Variants in ATP9A observed in about 807,000 individuals in gnomAD.
ATP9A encodes probable phospholipid-transporting ATPase IIA.
In ATP9A, 52 loss-of-function variants were observed where a neutral mutation model predicts 144.1. The ratio of observed to expected loss-of-function variants is 0.36; its 90% CI spans 0.29 to 0.45. ATP9A has a LOEUF of 0.45. ATP9A is among the 20% of genes least tolerant of loss of function. The probability of loss-of-function intolerance (pLI) is 1.00; values close to 1 mark genes in which losing one functional copy is unlikely to be tolerated. For missense variants in ATP9A, 947 were observed against 1,392.7 expected (o/e 0.68, Z 5.09); for synonymous variants, 582 against 557.4 (o/e 1.04, Z -0.62).
At chr20:51,606,188 C>T (rs952603729) in intron 26 of ATP9A, among the ~76,000 whole-genome samples, 3 of 149,178 alleles carry the variant, frequency 2.0e-5, no homozygotes, top group Non-Finnish European at 3.0e-5. Context: ...AACCATAAGG[C>T]GGAGGTTGCA....
Position 51,667,572 on chromosome 20 carries a change from G to C in ATP9A, c.1293+2425C>G, listed in dbSNP as rs141791336. 4.3e-3 allele frequency among the ~76,000 whole-genome samples: 660 copies of C among 152,278 alleles called. 8 individuals are homozygous for C. The highest frequency in any genetic ancestry group is 0.015 in the African/African-American group (620 of 41,564). The stretch of plus-strand genomic sequence containing the variant: ...CTGGAAGGCTGAAACATGGGAAAGG[G>C]GAGGGGATGAAGACCAAGGCTAGAT... On this transcript the variant is annotated intron_variant, in intron 13 of 27. Coordinates refer to ENST00000338821, the MANE Select transcript of ATP9A (RefSeq NM_006045.3).
At chr20:51,601,924 A>G (rs1026355656) in intron 27 of ATP9A, among the ~76,000 whole-genome samples, 5 of 151,360 alleles carry the variant, frequency 3.3e-5, no homozygotes, top group Admixed American at 3.3e-4. Context: ...AGAGAAAAAA[A>G]GAAGGAAAGA....
intron 3 of ATP9A, among the ~76,000 whole-genome samples, chr20:51,724,587 A>G (rs1331609670): frequency 6.6e-6 from 1 of 152,182 alleles, no homozygotes; most frequent in African/African-American, 2.4e-5. Context: ...ACTTTTCACA[A>G]TTTGTAACAA....
intron 2 of ATP9A, among the ~76,000 whole-genome samples, chr20:51,728,311 G>A (rs141322568): frequency 2.1e-4 from 32 of 152,084 alleles, no homozygotes; most frequent in Non-Finnish European, 3.5e-4. Context: ...AACCAGCAAT[G>A]AATATAGTCA....
intron 4 of ATP9A, among the ~76,000 whole-genome samples, chr20:51,707,880 T>C (rs1028645602): frequency 6.6e-6 from 1 of 151,616 alleles, no homozygotes; most frequent in African/African-American, 2.4e-5. Context: ...TAGCGTGTAT[T>C]TTAGAGATGG....
intron 1 of ATP9A, among the ~76,000 whole-genome samples, chr20:51,741,296 A>ACAGGCCGT (rs2077784301): frequency 6.6e-6 from 1 of 152,162 alleles, no homozygotes; most frequent in South Asian, 2.1e-4. Context: ...AGTGGAGCTC[A>ACAGGCCGT]CAGGCCAGGC....
chr20:51,713,095 G>A (rs759565401), intron 3 of ATP9A, 21 bp from the exon 4 acceptor site: 7 of 1,591,464 alleles, frequency 4.4e-6, no homozygotes, highest in South Asian at 1.1e-5. Flanking sequence ...AGACGACAGT[G>A]AGTCTTGCTA....
intron 9 of ATP9A, among the ~76,000 whole-genome samples, chr20:51,681,194 C>G (rs2077498270): frequency 6.6e-6 from 1 of 152,060 alleles, no homozygotes; most frequent in East Asian, 1.9e-4. Context: ...GTTATGAGAC[C>G]AAGTTAAGAG....
At chr20:51,631,974 A>G (rs999692449) in intron 15 of ATP9A, among the ~76,000 whole-genome samples, 1 of 152,218 alleles carries the variant, frequency 6.6e-6, no homozygotes, top group Admixed American at 6.5e-5. Flanking sequence ...GCACTCACAC[A>G]TGTTTAAAAA....
chr20:51,608,554 G>A lies in ATP9A; in HGVS notation c.2709C>T (p.Ala903=), dbSNP rs762412277. 5.0e-6 allele frequency: 8 copies of A among 1,612,626 alleles called. No individual in the cohort carries two copies. The South Asian group carries it at 6.6e-5, about 13-fold the overall frequency. The change falls in exon 25 of 28, where the codon GCC becomes GCT. Residue 903 remains alanine (A), a synonymous_variant. Coordinates refer to ENST00000338821, the MANE Select transcript of ATP9A (RefSeq NM_006045.3). ...VLDKDVKSEV[A]MLYPELYKDL... ...CCTTGTAGAGCTCAGGATACAGCATGGCAACTTCCGATTTGACATCTTTGT... is the reference window on the plus strand; with the variant it reads ...CCTTGTAGAGCTCAGGATACAGCATAGCAACTTCCGATTTGACATCTTTGT...
At chr20:51,766,557 G>A (rs922484336) in intron 1 of ATP9A, among the ~76,000 whole-genome samples, 3 of 152,124 alleles carry the variant, frequency 2.0e-5, no homozygotes, top group African/African-American at 7.2e-5. Context: ...TTAAAACGAA[G>A]GAGGCCGGGC....
intron 15 of ATP9A, among the ~76,000 whole-genome samples, chr20:51,637,956 A>C (rs2077299933): frequency 6.7e-6 from 1 of 149,912 alleles, no homozygotes; most frequent in Admixed American, 6.7e-5. Context: ...AACATACGAC[A>C]TTTGGCTTTC....
At chr20:51,618,425 C>T (rs909991432) in intron 21 of ATP9A, among the ~76,000 whole-genome samples, 19 of 152,146 alleles carry the variant, frequency 1.2e-4, no homozygotes, top group Non-Finnish European at 2.6e-4. Flanking sequence ...GAAGGCTGCA[C>T]TCTTGAGCCA....
At chr20:51,661,432 C>A (rs1010095517) in intron 13 of ATP9A, among the ~76,000 whole-genome samples, 69 of 151,024 alleles carry the variant, frequency 4.6e-4, no homozygotes, top group African/African-American at 1.7e-3. Context: ...GGCATGATCA[C>A]AGCTCACTGC....
chr20:51,645,080 G>A (rs775149593), intron 14 of ATP9A, among the ~76,000 whole-genome samples: 1 of 152,140 alleles, frequency 6.6e-6, no homozygotes, highest in Non-Finnish European at 1.5e-5. Context: ...AATGACAAAC[G>A]CTTTTGAGGA....
chr20:51,625,582 A>T (rs970637297), intron 17 of ATP9A, among the ~76,000 whole-genome samples: 1 of 151,750 alleles, frequency 6.6e-6, no homozygotes, highest in Non-Finnish European at 1.5e-5. Flanking sequence ...TACACTCCAC[A>T]CTCACCTGCT....
chr20:51,738,792 C>T (rs1439999109), intron 1 of ATP9A, among the ~76,000 whole-genome samples: 2 of 151,114 alleles, frequency 1.3e-5, no homozygotes, highest in South Asian at 4.2e-4. Context: ...GTAGAGAATG[C>T]TGGAGGGAGG....
At position 51,638,974 on chromosome 20, in the gene ATP9A, T is replaced by A. The variant is rs186454605; in HGVS notation, c.1668+369A>T. ...GAGGGAAGTGGTGGCTGAGCAACACTGTGAATGGACTAAATGCCACTGAAG... is the reference window on the plus strand; with the variant it reads ...GAGGGAAGTGGTGGCTGAGCAACACAGTGAATGGACTAAATGCCACTGAAG... On this transcript the variant is annotated intron_variant, in intron 15 of 27. Coordinates refer to ENST00000338821, the MANE Select transcript of ATP9A (RefSeq NM_006045.3). Among the ~76,000 whole-genome samples the A allele has an allele frequency of 2.4e-4, 36 of 152,272 alleles. 1 individual carries two copies. The East Asian group carries it at 6.6e-3, about 28-fold the overall frequency.
At chr20:51,621,563 C>A (rs1248640847) in intron 19 of ATP9A, among the ~76,000 whole-genome samples, 2 of 152,152 alleles carry the variant, frequency 1.3e-5, no homozygotes, top group Admixed American at 6.5e-5. Context: ...CAATGTCTGC[C>A]ACAAGGGCGG....
Sources: gnomAD v4.1 joint callset for allele counts (sites outside exome capture counted in the v4.1 genomes callset) on GRCh38, gnomAD v4.1.1 for gene constraint, MANE v1.5 for transcripts, NCBI Gene and HGNC (gene_info 2026-07-23, HGNC 2026-07-21) for gene names.